Variants in PCDHGA9 observed in about 807,000 individuals in gnomAD.
PCDHGA9 encodes protocadherin gamma subfamily A, 9.
PCDHGA9 carries 37 observed loss-of-function variants against 62.5 expected under a neutral mutation model. The ratio of observed to expected loss-of-function variants is 0.59; its 90% CI spans 0.46 to 0.78. The LOEUF (loss-of-function observed/expected upper bound fraction) is 0.78. Among genes scored for constraint, PCDHGA9 ranks in the 30% least tolerant of loss-of-function variants. The probability of loss-of-function intolerance (pLI) is 0.00; values close to 1 mark genes in which losing one functional copy is unlikely to be tolerated. For missense variants in PCDHGA9, 1,138 were observed against 1,166.2 expected, an observed-to-expected ratio of 0.98 and a Z score of 0.35; for synonymous variants, 459 against 484.6, an observed-to-expected ratio of 0.95 and a Z score of 0.69.
rs200524415 is a variant in PCDHGA9, at chr5:141,487,436, G to C, written c.2425-7371G>C. 1 of 1,614,176 alleles carries C rather than the reference G, an allele frequency of 6.2e-7. No individual in the cohort carries two copies. Among genetic ancestry groups the C allele is most frequent in the East Asian group, 2.2e-5 (1 of 44,870 alleles). ...CAATGGGATCCTCCGAATCCAGCTAGGGTCAGATGACCCTATCAAGTTTGT... is the reference window on the plus strand; with the variant it reads ...CAATGGGATCCTCCGAATCCAGCTACGGTCAGATGACCCTATCAAGTTTGT... On this transcript the variant is annotated intron_variant, in intron 1 of 3. Coordinates refer to ENST00000573521, the MANE Select transcript of PCDHGA9 (RefSeq NM_018921.3). This position sits in a 1 kb window ranked among gnomAD's most constrained non-coding sequence, Gnocchi z 5.0.
chr5:141,491,564 G>A lies in PCDHGA9; in HGVS notation c.2425-3243G>A, dbSNP rs2099721154. On this transcript the variant is annotated intron_variant, in intron 1 of 3. Coordinates refer to ENST00000573521, the MANE Select transcript of PCDHGA9 (RefSeq NM_018921.3). The surrounding 1 kb of genome is among the most constrained non-coding windows in gnomAD (Gnocchi z 6.9). Reference sequence around the variant, plus strand: ...ACAGACTCGCAGAGCCACTGCTACAGGACGTGCTTTTCACCGGCCTCGGAC... The same window carrying A: ...ACAGACTCGCAGAGCCACTGCTACAAGACGTGCTTTTCACCGGCCTCGGAC... The A allele has an allele frequency of 3.1e-6, 5 of 1,613,878 alleles. No individual in the cohort carries two copies. Among genetic ancestry groups the A allele is most frequent in the Non-Finnish European group, 8.5e-7 (1 of 1,180,042 alleles).
chr5:141,410,435 G>C (rs772158163), intron 1 of PCDHGA9: 5 of 1,614,054 alleles, frequency 3.1e-6, no homozygotes, highest in Non-Finnish European at 4.2e-6. Flanking sequence ...CAACTACAGT[G>C]AGGGGACTTT....
At chr5:141,463,831 C>T (rs2099070299) in intron 1 of PCDHGA9, among the ~76,000 whole-genome samples, 1 of 152,174 alleles carries the variant, frequency 6.6e-6, no homozygotes, top group African/African-American at 2.4e-5. Flanking sequence ...TGATCCACTT[C>T]CCAGTTGTTA....
At chr5:141,442,629 A>G (rs959326665) in intron 1 of PCDHGA9, among the ~76,000 whole-genome samples, 2 of 152,248 alleles carry the variant, frequency 1.3e-5, no homozygotes, top group African/African-American at 4.8e-5. Context: ...TTCTAGCAGC[A>G]AGACCAAAGG....
At chr5:141,475,218 A>G (rs2154572291) in intron 1 of PCDHGA9, among the ~76,000 whole-genome samples, 1 of 152,326 alleles carries the variant, frequency 6.6e-6, no homozygotes, top group African/African-American at 2.4e-5. Flanking sequence ...GGATTGATCA[A>G]GTAAAGGGAA....
intron 1 of PCDHGA9, chr5:141,427,320 G>GT: frequency 2.2e-6 from 1 of 457,086 alleles, no homozygotes; most frequent in Non-Finnish European, 4.4e-6. Context: ...CCCAGACGTG[G>GT]TTTTTACTTC....
At chr5:141,405,440 GAC>G (rs1297950312) in intron 1 of PCDHGA9, 64 bp downstream of exon 1, 3 of 1,417,402 alleles carry the variant, frequency 2.1e-6, no homozygotes, top group Non-Finnish European at 2.9e-6. Flanking sequence ...TTGTTTTTGA[GAC>G]AGAGTCTTAC....
intron 1 of PCDHGA9, among the ~76,000 whole-genome samples, chr5:141,484,774 C>T (rs1269490742): frequency 6.6e-6 from 1 of 151,782 alleles, no homozygotes; most frequent in Non-Finnish European, 1.5e-5. Context: ...ATGTTGTCTG[C>T]CTCCCCACAG....
At chr5:141,467,208 A>G (rs1272958649) in intron 1 of PCDHGA9, among the ~76,000 whole-genome samples, 1 of 152,064 alleles carries the variant, frequency 6.6e-6, no homozygotes, top group East Asian at 1.9e-4. Flanking sequence ...ACATGCCACC[A>G]TGCCTGGCTA....
rs1236074950 is a variant in PCDHGA9 at position 141,489,119 on chromosome 5, C to G, written c.2425-5688C>G. On this transcript the variant is annotated intron_variant, in intron 1 of 3. Transcript: ENST00000573521. This position sits in a 1 kb window ranked among gnomAD's most constrained non-coding sequence, Gnocchi z 4.5. ...GAACTGCTGCAAGCAGGCAAACCTC[C>G]GAGCAGTTTTTAAGAGGCTGGAAGG... The G allele has an allele frequency of 1.5e-6, 1 of 650,358 alleles. No individual in the cohort carries two copies. Among genetic ancestry groups the G allele is most frequent in the Non-Finnish European group, 2.5e-6 (1 of 400,690 alleles). The allele number at this position is 650,358 out of a possible 1,614,324, so 40.3% of individuals were successfully genotyped here. A position where few individuals can be genotyped will look rare whatever the true frequency, so the allele number is the denominator to read the frequency against.
rs1290674122 is a variant in PCDHGA9 at position 141,489,521 on chromosome 5, G to A, written c.2425-5286G>A. 3 of 1,613,988 alleles carry A rather than the reference G, an allele frequency of 1.9e-6. No individual in the cohort carries two copies. The highest frequency in any genetic ancestry group is 2.2e-5 in the East Asian group (1 of 44,886). On this transcript the variant is annotated intron_variant, in intron 1 of 3. Coordinates refer to ENST00000573521, the MANE Select transcript of PCDHGA9 (RefSeq NM_018921.3). This position sits in a 1 kb window ranked among gnomAD's most constrained non-coding sequence, Gnocchi z 4.5. ...GTGAATCAAAAGATTGACCGAGAAAGCCTATGTGGAGCCAGCACCAGCTGC... is the reference window on the plus strand; with the variant it reads ...GTGAATCAAAAGATTGACCGAGAAAACCTATGTGGAGCCAGCACCAGCTGC...
At chr5:141,429,848 C>T (rs567448097) in intron 1 of PCDHGA9, among the ~76,000 whole-genome samples, 25 of 152,228 alleles carry the variant, frequency 1.6e-4, no homozygotes, top group African/African-American at 5.8e-4. Context: ...AAGTCTGTAA[C>T]ATTCTTTGGA....
In PCDHGA9 at chr5:141,403,434, A is replaced by C. The variant is rs774605332; in HGVS notation, c.482A>C (p.Asp161Ala). The change falls in exon 1 of 4, where the codon GAT becomes GCT. Residue 161 changes from aspartate to alanine, a missense_variant. Transcript: ENST00000573521. ...RYPLPEAIDP[D>A]VGVNSLQSYQ... is the part of the protein sequence containing the mutation. ...CCACTTCCAGAAGCTATTGATCCGGATGTTGGCGTGAACTCCCTCCAGAGC... is the reference window on the plus strand; with the variant it reads ...CCACTTCCAGAAGCTATTGATCCGGCTGTTGGCGTGAACTCCCTCCAGAGC... The C allele has an allele frequency of 1.9e-6, 3 of 1,614,024 alleles. No individual in the cohort carries two copies. In the South Asian group the frequency reaches 3.3e-5, roughly 18 times the overall value.
At position 141,405,253 on chromosome 5, in the gene PCDHGA9, C is replaced by T. The variant is rs78501291; in HGVS notation, c.2301C>T (p.His767=). 0.034 allele frequency: 55,338 copies of T among 1,614,052 alleles called. 1,052 individuals carry two copies. Among genetic ancestry groups the T allele is most frequent in the Middle Eastern group, 0.098 (593 of 6,062 alleles). Residue 767 remains histidine, a synonymous_variant, in exon 1 of 4, where the codon CAC becomes CAT. Transcript: ENST00000573521. ...TCACCGCTGACTCAAGGAAGAGTCA[C>T]CTGATCTTCCCCCAGCCCAACTATG... is the stretch of plus-strand genomic sequence containing the variant. ...FSLTADSRKS[H]LIFPQPNYAD... is the part of the protein sequence containing the mutation.
chr5:141,494,194 G>A (rs1446357035), intron 1 of PCDHGA9, among the ~76,000 whole-genome samples: 2 of 152,182 alleles, frequency 1.3e-5, no homozygotes, highest in Non-Finnish European at 2.9e-5. Flanking sequence ...GGACTTGGAT[G>A]CCCCGCAAAG....
chr5:141,405,770 G>A (rs989163026), intron 1 of PCDHGA9, among the ~76,000 whole-genome samples: 9 of 152,030 alleles, frequency 5.9e-5, no homozygotes, highest in South Asian at 4.2e-4. Flanking sequence ...GAGCCACTGC[G>A]CCTGGCCCTT....
intron 1 of PCDHGA9, among the ~76,000 whole-genome samples, chr5:141,465,348 A>C (rs886810999): frequency 6.6e-6 from 1 of 152,158 alleles, no homozygotes; most frequent in African/African-American, 2.4e-5. Context: ...GTTACTGAAG[A>C]AAAAATGGGT....
At chr5:141,483,753 G>A (rs1316976446) in intron 1 of PCDHGA9, among the ~76,000 whole-genome samples, 1 of 152,082 alleles carries the variant, frequency 6.6e-6, no homozygotes, top group Non-Finnish European at 1.5e-5. Flanking sequence ...CCTGAGGATC[G>A]AGGCTTGGAA....
chr5:141,419,069 C>G, intron 1 of PCDHGA9: 1 of 1,613,912 alleles, frequency 6.2e-7, no homozygotes, highest in Admixed American at 1.7e-5. Context: ...TTACTACAAG[C>G]TAGTAACAGA....
Sources: gnomAD v4.1 joint callset for allele counts (sites outside exome capture counted in the v4.1 genomes callset) on GRCh38, gnomAD v4.1.1 for gene constraint, Gnocchi (gnomAD v3.1) non-coding constraint, MANE v1.5 for transcripts, NCBI Gene and HGNC (gene_info 2026-07-23, HGNC 2026-07-21) for gene names.